ATP2C2: variants seen among roughly 807,000 people sequenced by gnomAD.
ATP2C2 encodes ATPase secretory pathway Ca2+ transporting 2.
A neutral mutation model predicts 110.8 loss-of-function variants in ATP2C2; 171 were observed. That is an observed-to-expected ratio of 1.54 (90% CI 1.36 to 1.75). The LOEUF is 1.75. Among genes scored for constraint, ATP2C2 ranks in the 40% most tolerant of loss-of-function variants. ATP2C2 has a pLI of 0.00. For missense variants in ATP2C2, 1,963 were observed against 1,235.0 expected (o/e 1.59, Z -8.84); for synonymous variants, 804 against 508.4 (o/e 1.58, Z -7.82).
In ATP2C2 at chr16:84,425,794, G is replaced by C. The variant is rs200143283; in HGVS notation, c.979G>C (p.Gly327Arg). The C allele has an allele frequency of 6.2e-7, 1 of 1,614,072 alleles. No homozygotes were observed. The highest frequency in any genetic ancestry group is 8.5e-7 in the Non-Finnish European group (1 of 1,180,024). The part of the protein sequence containing the change: ...GKQLLSMFTI[G>R]VSLAVAAIPE... ...ACAACTCCTGAGTATGTTCACGATC[G>C]GGGTCAGGTAAGAGTGCTATGGCCG... Residue 327 changes from glycine to arginine, a missense_variant, in exon 11 of 27, where the codon GGG becomes CGG. Transcript: ENST00000262429.
chr16:84,432,345 GCCAT>G (rs1908353381), intron 11 of ATP2C2, among the ~76,000 whole-genome samples: 1 of 152,086 alleles, frequency 6.6e-6, no homozygotes, highest in Non-Finnish European at 1.5e-5. Flanking sequence ...GTATACACGT[GCCAT>G]GGTGGTTTGC....
intron 1 of ATP2C2, 81 bp from the exon 2 acceptor site, chr16:84,398,415 AACT>A (rs1905120088): frequency 2.4e-6 from 2 of 822,646 alleles, no homozygotes; most frequent in African/African-American, 3.7e-5. Flanking sequence ...CAAAAAAATA[AACT>A]AATAAAAATA....
chr16:84,406,059 G>C (rs1457845714), intron 3 of ATP2C2, among the ~76,000 whole-genome samples: 3 of 152,136 alleles, frequency 2.0e-5, no homozygotes, highest in Non-Finnish European at 4.4e-5. Context: ...GATTTTACTG[G>C]GTGTCCTACT....
chr16:84,455,008 T>C (rs532852956), intron 21 of ATP2C2, 24 bp downstream of exon 21: 2 of 1,565,528 alleles, frequency 1.3e-6, no homozygotes, highest in African/African-American at 2.7e-5. Context: ...CTGGTTGTTT[T>C]TCAGTTGCAA....
chr16:84,411,300 T>C (rs1376120907), intron 6 of ATP2C2, among the ~76,000 whole-genome samples: 2 of 152,156 alleles, frequency 1.3e-5, no homozygotes, highest in Admixed American at 1.3e-4. Context: ...TTACCAAAGA[T>C]GTTTAACAAG....
At chr16:84,389,591 C>A (rs553251945) in intron 1 of ATP2C2, among the ~76,000 whole-genome samples, 1 of 152,190 alleles carries the variant, frequency 6.6e-6, no homozygotes, top group African/African-American at 2.4e-5. Flanking sequence ...CAGCCCTCTT[C>A]GGGCCCCTTG....
chr16:84,394,491 C>G (rs575419543), intron 1 of ATP2C2, among the ~76,000 whole-genome samples: 6 of 152,068 alleles, frequency 3.9e-5, no homozygotes, highest in Admixed American at 6.5e-5. Flanking sequence ...TGATGTCTTC[C>G]AGGTTCATCT....
intron 17 of ATP2C2, 125 bp downstream of exon 17, chr16:84,448,814 G>C (rs919463136): frequency 7.7e-7 from 1 of 1,303,150 alleles, no homozygotes; most frequent in Non-Finnish European, 1.0e-6. Flanking sequence ...GCATGCTGAC[G>C]GCAATAATGT....
At chr16:84,433,607 G>A (rs1339656621) in intron 11 of ATP2C2, among the ~76,000 whole-genome samples, 3 of 151,468 alleles carry the variant, frequency 2.0e-5, no homozygotes, top group Non-Finnish European at 4.4e-5. Flanking sequence ...AGCCGAGATC[G>A]CACCACTGCA....
chr16:84,400,005 A>T (rs1224419218), intron 2 of ATP2C2, among the ~76,000 whole-genome samples: 1 of 151,604 alleles, frequency 6.6e-6, no homozygotes, highest in Non-Finnish European at 1.5e-5. Context: ...AGAACCTGCA[A>T]AGTTTGCCTT....
At chr16:84,372,544 C>G (rs928493888) in intron 1 of ATP2C2, among the ~76,000 whole-genome samples, 1 of 152,066 alleles carries the variant, frequency 6.6e-6, no homozygotes, top group African/African-American at 2.4e-5. Flanking sequence ...CCTGCCTCAG[C>G]TTCCCGAGTA....
chr16:84,420,132 G>C (rs908437277), intron 7 of ATP2C2, among the ~76,000 whole-genome samples: 2 of 152,086 alleles, frequency 1.3e-5, no homozygotes, highest in African/African-American at 2.4e-5. Flanking sequence ...CCTCCTCCCA[G>C]GCCTTTCCCC....
At chr16:84,416,470 T>C (rs1906844391) in intron 7 of ATP2C2, among the ~76,000 whole-genome samples, 2 of 152,156 alleles carry the variant, frequency 1.3e-5, no homozygotes, top group Admixed American at 1.3e-4. Flanking sequence ...AAGGACCCGC[T>C]ATTAAGAGGG....
intron 6 of ATP2C2, among the ~76,000 whole-genome samples, chr16:84,412,982 C>G (rs765029682): frequency 1.3e-5 from 2 of 151,716 alleles, no homozygotes; most frequent in African/African-American, 2.4e-5. Flanking sequence ...GTCTGTAATC[C>G]CAGCTACTTG....
chr16:84,445,359 C>T (rs1007792315), intron 15 of ATP2C2, among the ~76,000 whole-genome samples: 31 of 152,128 alleles, frequency 2.0e-4, no homozygotes, highest in Non-Finnish European at 1.9e-4. Flanking sequence ...CAGGCGCCTG[C>T]CACCACGCCT....
intron 1 of ATP2C2, among the ~76,000 whole-genome samples, chr16:84,394,157 C>G (rs1392779803): frequency 3.9e-5 from 6 of 152,056 alleles, no homozygotes; most frequent in African/African-American, 1.2e-4. Context: ...GCACTCCAGC[C>G]TGAGCAACAG....
intron 7 of ATP2C2, 89 bp from the exon 8 acceptor site, chr16:84,422,301 C>A: frequency 6.9e-7 from 1 of 1,447,722 alleles, no homozygotes; most frequent in African/African-American, 1.4e-5. Context: ...AGTTCATGTC[C>A]ATGAAGGTGC....
chr16:84,415,651 A>C (rs994426721), intron 7 of ATP2C2, 60 bp downstream of exon 7: 29 of 1,395,336 alleles, frequency 2.1e-5, no homozygotes, highest in Non-Finnish European at 2.6e-5. Flanking sequence ...AGGAGCAGAC[A>C]CTTAGCTAAT....
intron 1 of ATP2C2, among the ~76,000 whole-genome samples, chr16:84,380,174 A>G (rs1406691472): frequency 6.6e-6 from 1 of 152,118 alleles, no homozygotes; most frequent in Non-Finnish European, 1.5e-5. Flanking sequence ...AAGTCTATAA[A>G]TAGCCAGTCT....
Sources: allele counts gnomAD v4.1 joint callset (sites outside exome capture counted in the v4.1 genomes callset), GRCh38; gene constraint gnomAD v4.1.1; transcripts MANE v1.5; gene names NCBI Gene and HGNC (gene_info 2026-07-23, HGNC 2026-07-21).